CPED1: variants seen among roughly 807,000 people sequenced by gnomAD.
CPED1 encodes cadherin like and PC-esterase domain containing 1.
Under a neutral mutation model 128.2 loss-of-function variants are expected in CPED1, and 114 were observed. That is an observed-to-expected ratio of 0.89 (90% CI 0.76 to 1.04). The LOEUF (loss-of-function observed/expected upper bound fraction) is 1.04, where lower values mean the gene tolerates loss of function less well. Ranked by LOEUF, CPED1 falls within the 50% of genes least tolerant of loss-of-function variation. The pLI, the probability that CPED1 is intolerant of heterozygous loss-of-function variation, is 0.00. For missense variants in CPED1, 1,211 were observed against 1,207.1 expected (o/e 1.00, Z -0.05); for synonymous variants, 462 against 426.7 (o/e 1.08, Z -1.02).
intron 17 of CPED1, among the ~76,000 whole-genome samples, chr7:121,242,863 TTCTTTC>T (rs1481718881): frequency 6.6e-6 from 1 of 152,080 alleles, no homozygotes; most frequent in Non-Finnish European, 1.5e-5. Flanking sequence ...ATACCTACAT[TTCTTTC>T]TCTTTCTGTG....
At chr7:121,130,950 G>A (rs1795651532) in intron 12 of CPED1, among the ~76,000 whole-genome samples, 1 of 152,048 alleles carries the variant, frequency 6.6e-6, no homozygotes, top group Non-Finnish European at 1.5e-5. Context: ...TTAGGGAAAA[G>A]GGGCAACACC....
At chr7:121,237,397 G>A (rs1315839398) in intron 17 of CPED1, among the ~76,000 whole-genome samples, 1 of 152,032 alleles carries the variant, frequency 6.6e-6, no homozygotes, top group Non-Finnish European at 1.5e-5. Flanking sequence ...AAAAGTTAGG[G>A]GGCATGATCA....
At chr7:121,005,642 G>A (rs1207798581) in intron 2 of CPED1, among the ~76,000 whole-genome samples, 5 of 151,862 alleles carry the variant, frequency 3.3e-5, no homozygotes, top group Non-Finnish European at 7.4e-5. Context: ...AGAACTTAAA[G>A]TATAATAAAA....
intron 16 of CPED1, among the ~76,000 whole-genome samples, chr7:121,182,833 A>G (rs1796928427): frequency 6.6e-6 from 1 of 152,044 alleles, no homozygotes; most frequent in Admixed American, 6.6e-5. Flanking sequence ...TTAATTAGAT[A>G]AGACAAGCTT....
At chr7:120,989,982 A>G in intron 2 of CPED1, 112 bp downstream of exon 2, 1 of 1,273,696 alleles carries the variant, frequency 7.9e-7, no homozygotes, top group Non-Finnish European at 1.1e-6. Flanking sequence ...AGGGATCCAG[A>G]GTGTAAACAG....
At chr7:121,117,212 C>T (rs12671188) in intron 7 of CPED1, among the ~76,000 whole-genome samples, 65,036 of 150,018 alleles carry the variant, frequency 0.43, 15,474 homozygotes, top group East Asian at 0.84. Flanking sequence ...ATGATTCTCC[C>T]GCCTCAGCCT....
intron 4 of CPED1, among the ~76,000 whole-genome samples, chr7:121,048,031 C>T (rs1373374840): frequency 6.6e-6 from 1 of 152,118 alleles, no homozygotes; most frequent in Non-Finnish European, 1.5e-5. Flanking sequence ...TGAGCACACG[C>T]TTTTGTGACT....
intron 17 of CPED1, among the ~76,000 whole-genome samples, chr7:121,238,641 C>A (rs968491895): frequency 6.6e-6 from 1 of 151,900 alleles, no homozygotes; most frequent in African/African-American, 2.4e-5. Context: ...GGCACAGGGC[C>A]ATTCATAGGG....
intron 18 of CPED1, among the ~76,000 whole-genome samples, chr7:121,260,778 C>T (rs1447517363): frequency 6.6e-6 from 1 of 152,080 alleles, no homozygotes; most frequent in Non-Finnish European, 1.5e-5. Flanking sequence ...GTTAACTAGG[C>T]TCAGTCTTGT....
chr7:121,292,911 C>T (rs1792738836), intron 22 of CPED1, among the ~76,000 whole-genome samples: 1 of 152,122 alleles, frequency 6.6e-6, no homozygotes, highest in Non-Finnish European at 1.5e-5. Context: ...CAGAGGGGCA[C>T]CTGCCAGATG....
At chr7:121,291,212 A>G (rs1235296893) in intron 22 of CPED1, among the ~76,000 whole-genome samples, 1 of 152,126 alleles carries the variant, frequency 6.6e-6, no homozygotes, top group Non-Finnish European at 1.5e-5. Context: ...GTAGCCTTGT[A>G]GTATGGTTTG....
chr7:121,203,283 A>C (rs2116570660), intron 16 of CPED1, among the ~76,000 whole-genome samples: 1 of 152,204 alleles, frequency 6.6e-6, no homozygotes, highest in Non-Finnish European at 1.5e-5. Context: ...CACTTTCCTC[A>C]GACCTATTAC....
intron 16 of CPED1, among the ~76,000 whole-genome samples, chr7:121,164,090 G>A (rs1363072745): frequency 6.6e-6 from 1 of 152,188 alleles, no homozygotes; most frequent in Non-Finnish European, 1.5e-5. Context: ...AGGAACAAAA[G>A]CTCAGAACAT....
intron 3 of CPED1, among the ~76,000 whole-genome samples, chr7:121,033,169 T>C (rs1470446816): frequency 2.0e-5 from 3 of 152,224 alleles, no homozygotes; most frequent in Non-Finnish European, 4.4e-5. Context: ...CCTCTCTTTT[T>C]CTTAGATTGA....
chr7:121,026,492 C>A (rs528657736), intron 3 of CPED1, among the ~76,000 whole-genome samples: 1 of 152,180 alleles, frequency 6.6e-6, no homozygotes, highest in East Asian at 1.9e-4. Context: ...CAATACTTCC[C>A]CTGCCATGGG....
intron 16 of CPED1, among the ~76,000 whole-genome samples, chr7:121,150,141 T>A (rs1195570304): frequency 2.6e-5 from 4 of 151,720 alleles, no homozygotes; most frequent in African/African-American, 4.8e-5. Context: ...TGGGGTACAA[T>A]TGAACCCACC....
At chr7:121,198,451 G>A (rs1408580725) in intron 16 of CPED1, among the ~76,000 whole-genome samples, 1 of 152,062 alleles carries the variant, frequency 6.6e-6, no homozygotes, top group African/African-American at 2.4e-5. Flanking sequence ...TCCTCAGATG[G>A]CAAGTGTGAG....
At chr7:121,152,011 G>A (rs1264903602) in intron 16 of CPED1, among the ~76,000 whole-genome samples, 3 of 152,126 alleles carry the variant, frequency 2.0e-5, no homozygotes, top group Non-Finnish European at 2.9e-5. Context: ...ACACTTTACC[G>A]CCTGACATAT....
chr7:121,261,580 T>C, intron 18 of CPED1: 6 of 1,581,184 alleles, frequency 3.8e-6, no homozygotes, highest in Non-Finnish European at 5.2e-6. Context: ...TGTGACCAGC[T>C]TCCAGCGCTG....
Sources: gnomAD v4.1 joint callset for allele counts (sites outside exome capture counted in the v4.1 genomes callset) on GRCh38, gnomAD v4.1.1 for gene constraint, MANE v1.5 for transcripts, NCBI Gene and HGNC (gene_info 2026-07-23, HGNC 2026-07-21) for gene names.